The following HHAT variants were observed in gnomAD, a reference collection of about 807,000 sequenced individuals.
The protein encoded by HHAT is hedgehog acyltransferase.
A neutral mutation model predicts 70.8 loss-of-function variants in HHAT; 47 were observed. That is an observed-to-expected ratio of 0.66 (90% CI 0.53 to 0.85). The LOEUF is 0.85. Ranked by LOEUF, HHAT falls within the 40% of genes least tolerant of loss-of-function variation. HHAT has a pLI of 0.00. For synonymous variants in HHAT, 228 were observed against 247.6 expected (o/e 0.92, Z 0.74); for missense variants, 609 against 604.8 (o/e 1.01, Z -0.07).
chr1:210,407,265 C>G (rs940728624), intron 6 of HHAT, among the ~76,000 whole-genome samples: 2 of 152,180 alleles, frequency 1.3e-5, no homozygotes, highest in African/African-American at 2.4e-5. Context: ...AAGATTTGCT[C>G]TGAATGAATG....
chr1:210,435,620 C>T (rs1401686206), intron 7 of HHAT, among the ~76,000 whole-genome samples: 1 of 151,786 alleles, frequency 6.6e-6, no homozygotes, highest in Non-Finnish European at 1.5e-5. Flanking sequence ...TTCTTTACAT[C>T]TTCACCAGCA....
intron 4 of HHAT, among the ~76,000 whole-genome samples, chr1:210,391,088 A>G (rs2148157989): frequency 6.6e-6 from 1 of 152,316 alleles, no homozygotes; most frequent in South Asian, 2.1e-4. Flanking sequence ...TGTTTTCTAT[A>G]GTGGTTGTAC....
chr1:210,446,116 G>A (rs1558531166), intron 7 of HHAT, among the ~76,000 whole-genome samples: 2 of 152,172 alleles, frequency 1.3e-5, no homozygotes, highest in Admixed American at 6.5e-5. Context: ...GCCTGTGGGA[G>A]ATTCTCTTGT....
At chr1:210,624,966 T>A (rs138060858) in intron 11 of HHAT, among the ~76,000 whole-genome samples, 16 of 152,330 alleles carry the variant, frequency 1.1e-4, no homozygotes, top group Admixed American at 7.8e-4. Context: ...GCGGTGCTTT[T>A]GCTGCAGCTC....
At chr1:210,374,216 A>C (rs575622773) in intron 3 of HHAT, 1 of 152,086 alleles carries the variant, frequency 6.6e-6, no homozygotes, top group Non-Finnish European at 1.5e-5. Context: ...CTCTCCACGG[A>C]AATCTTTAGT....
chr1:210,623,549 T>A lies in HHAT; in HGVS notation c.1269T>A (p.Ala423=), dbSNP rs754558992. 1 of 1,614,090 alleles carries A rather than the reference T, an allele frequency of 6.2e-7. No homozygotes were observed. The highest frequency in any genetic ancestry group is 8.5e-7 in the Non-Finnish European group (1 of 1,179,990). ...AGGCCCGATACTTCTCCCCACAAGCTCGCCGTCGATTCCACGCTGCCCTTG... is the reference window on the plus strand; with the variant it reads ...AGGCCCGATACTTCTCCCCACAAGCACGCCGTCGATTCCACGCTGCCCTTG... ...DSLARYFSPQ[A]RRRFHAALAS... is the part of the protein sequence containing the mutation. The change falls in exon 11 of 12, where the codon GCT becomes GCA. Residue 423 remains alanine (A), a synonymous_variant. Transcript: ENST00000261458.
intron 7 of HHAT, among the ~76,000 whole-genome samples, chr1:210,454,347 A>G (rs1223303040): frequency 6.6e-6 from 1 of 152,124 alleles, no homozygotes; most frequent in Non-Finnish European, 1.5e-5. Flanking sequence ...AGGTCAGGAG[A>G]TTGAGACCAT....
intron 10 of HHAT, among the ~76,000 whole-genome samples, chr1:210,614,655 T>C (rs904297582): frequency 6.6e-6 from 1 of 152,098 alleles, no homozygotes; most frequent in East Asian, 1.9e-4. Context: ...AGTGAGAACA[T>C]GCGGTGTTTG....
At chr1:210,557,758 C>G (rs1334390389) in intron 9 of HHAT, among the ~76,000 whole-genome samples, 1 of 152,178 alleles carries the variant, frequency 6.6e-6, no homozygotes, top group Non-Finnish European at 1.5e-5. Context: ...CAATTATTTC[C>G]CACTGGATCC....
intron 4 of HHAT, among the ~76,000 whole-genome samples, chr1:210,397,974 T>C (rs934198274): frequency 3.3e-5 from 5 of 152,218 alleles, no homozygotes; most frequent in African/African-American, 1.2e-4. Flanking sequence ...CTGATTCTGC[T>C]CTAGCAGGAT....
At chr1:210,332,141 C>G (rs1185833004) in intron 1 of HHAT, among the ~76,000 whole-genome samples, 1 of 152,184 alleles carries the variant, frequency 6.6e-6, no homozygotes, top group Non-Finnish European at 1.5e-5. Flanking sequence ...CTATGGATGT[C>G]ACAGTGCATA....
rs1204183961 is a variant in HHAT, at chr1:210,440,773, ACTGC to A, written c.856+22451_856+22454del. 3.9e-5 allele frequency among the ~76,000 whole-genome samples: 6 copies of A among 152,088 alleles called. No homozygotes were observed. The East Asian group carries it at 1.2e-3, about 29-fold the overall frequency. On this transcript the variant is annotated intron_variant, in intron 7 of 11. Transcript: ENST00000261458. ...ACTGTTGATTAGTAGCTGGATTTTC[ACTGC>A]CTTGAGCTCCAAAGCATCAAGACAG...
At chr1:210,470,565 C>A (rs1348867420) in intron 8 of HHAT, among the ~76,000 whole-genome samples, 1 of 152,202 alleles carries the variant, frequency 6.6e-6, no homozygotes, top group African/African-American at 2.4e-5. Flanking sequence ...ATTTTACGAA[C>A]CATCATTATG....
chr1:210,361,089 G>A (rs1303247717), intron 2 of HHAT, among the ~76,000 whole-genome samples: 3 of 152,118 alleles, frequency 2.0e-5, no homozygotes, highest in Non-Finnish European at 4.4e-5. Context: ...AAGAGCTTAA[G>A]TTTTTGCTTT....
chr1:210,488,444 T>C (rs2094504663), intron 8 of HHAT, among the ~76,000 whole-genome samples: 1 of 152,214 alleles, frequency 6.6e-6, no homozygotes, highest in Non-Finnish European at 1.5e-5. Flanking sequence ...GGGTGAATTG[T>C]TGATTGTCTG....
chr1:210,622,421 C>T (rs1053303206), intron 10 of HHAT, among the ~76,000 whole-genome samples: 5 of 152,162 alleles, frequency 3.3e-5, no homozygotes, highest in South Asian at 2.1e-4. Context: ...GGGTGGTCCC[C>T]GTGCATGTGC....
At position 210,608,106 on chromosome 1, in the gene HHAT, A is replaced by AT. The variant is rs374785312; in HGVS notation, c.1246-15413dup. On this transcript the variant is annotated intron_variant, in intron 10 of 11. Coordinates refer to ENST00000261458, the MANE Select transcript of HHAT (RefSeq NM_018194.6). ...CCTGTTGAAAATTCAGGTTGCTTCT[A>AT]TTTTTTTCTCTTGCAAATAATGCAT... is the stretch of plus-strand genomic sequence containing the variant. 3.2e-4 allele frequency among the ~76,000 whole-genome samples: 49 copies of AT among 152,148 alleles called. 1 individual carries two copies. Among genetic ancestry groups the AT allele is most frequent in the African/African-American group, 1.2e-3 (48 of 41,528 alleles).
intron 11 of HHAT, among the ~76,000 whole-genome samples, chr1:210,643,323 G>A (rs965957043): frequency 6.6e-6 from 1 of 152,214 alleles, no homozygotes; most frequent in Non-Finnish European, 1.5e-5. Context: ...GTTGGCTTTA[G>A]ATTGGAATTA....
intron 9 of HHAT, among the ~76,000 whole-genome samples, chr1:210,530,053 A>G (rs1431755972): frequency 6.6e-6 from 1 of 152,180 alleles, no homozygotes; most frequent in African/African-American, 2.4e-5. Context: ...TAACTGGATA[A>G]AGTTTAATCC....
Sources: allele counts gnomAD v4.1 joint callset (sites outside exome capture counted in the v4.1 genomes callset), GRCh38; gene constraint gnomAD v4.1.1; transcripts MANE v1.5; gene names NCBI Gene and HGNC (gene_info 2026-07-23, HGNC 2026-07-21).